Variants in SLMAP observed in about 807,000 individuals in gnomAD.
SLMAP encodes the protein sarcolemma associated protein, also known as sarcolemmal membrane-associated protein.
In SLMAP, 44 loss-of-function variants were observed where a neutral mutation model predicts 128.8. That is an observed-to-expected ratio of 0.34 (90% CI 0.27 to 0.44). The LOEUF is 0.44. Among genes scored for constraint, SLMAP ranks in the 20% least tolerant of loss-of-function variants. The pLI is 1.00. For synonymous variants in SLMAP, 327 were observed against 348.8 expected (o/e 0.94, Z 0.70); for missense variants, 787 against 985.3 (o/e 0.80, Z 2.69).
intron 14 of SLMAP, among the ~76,000 whole-genome samples, chr3:57,884,747 T>A (rs886278733): frequency 6.6e-6 from 1 of 151,954 alleles, no homozygotes; most frequent in Non-Finnish European, 1.5e-5. Flanking sequence ...AGGTGGAGAT[T>A]GCAGTGGGCA....
At chr3:57,775,918 C>T (rs2153452255) in intron 2 of SLMAP, among the ~76,000 whole-genome samples, 1 of 152,258 alleles carries the variant, frequency 6.6e-6, no homozygotes, top group Non-Finnish European at 1.5e-5. Context: ...AGGCTGGTCT[C>T]AAACTCCTAA....
Position 57,884,605 on chromosome 3 carries a change from C to T in SLMAP, c.1301-5436C>T, listed in dbSNP as rs567395039. The stretch of plus-strand genomic sequence containing the variant: ...GGCAGATTGCTTGAGCTCAGGAGTT[C>T]GAGACCAGCTTGGGCAACATGGCGA... On this transcript the variant is annotated intron_variant, in intron 14 of 24. Coordinates refer to ENST00000671191, the MANE Select transcript of SLMAP (RefSeq NM_001377540.1). Among the ~76,000 whole-genome samples the T allele has an allele frequency of 1.9e-4, 29 of 152,150 alleles. 1 individual carries two copies. In the East Asian group the frequency reaches 4.6e-3, roughly 24 times the overall value.
chr3:57,794,233 C>T (rs541140713), intron 2 of SLMAP, among the ~76,000 whole-genome samples: 7 of 152,162 alleles, frequency 4.6e-5, no homozygotes, highest in South Asian at 2.1e-4. Flanking sequence ...AAATTCTGTT[C>T]GTACGCTATA....
chr3:57,816,266 C>T (rs1336463425), intron 2 of SLMAP, among the ~76,000 whole-genome samples: 1 of 152,054 alleles, frequency 6.6e-6, no homozygotes, highest in African/African-American at 2.4e-5. Flanking sequence ...GCCTCAGCCC[C>T]CCAAGCAGCT....
intron 2 of SLMAP, among the ~76,000 whole-genome samples, chr3:57,792,590 T>G (rs543302016): frequency 3.2e-4 from 48 of 152,294 alleles, no homozygotes; most frequent in Non-Finnish European, 6.0e-4. Context: ...GGATTTTATA[T>G]TCTATATTGT....
chr3:57,864,767 C>G lies in SLMAP; in HGVS notation c.1136-40C>G, dbSNP rs559490627. On this transcript the variant is annotated intron_variant, in intron 11 of 24. Transcript: ENST00000671191. ...TTTATTTTATTTTTTTTCTTGTTAT[C>G]TGTGAAATATCTTTTTTTTTTTTGG... 4 of 1,554,370 alleles carry G rather than the reference C, an allele frequency of 2.6e-6. No individual in the cohort carries two copies. The African/African-American group carries it at 5.6e-5, about 22-fold the overall frequency.
chr3:57,807,608 G>A (rs1223192322), intron 2 of SLMAP, among the ~76,000 whole-genome samples: 1 of 152,188 alleles, frequency 6.6e-6, no homozygotes, highest in Non-Finnish European at 1.5e-5. Context: ...ATTTGCATAT[G>A]TTGAACCAGC....
intron 13 of SLMAP, among the ~76,000 whole-genome samples, chr3:57,869,372 A>G (rs560513407): frequency 2.0e-5 from 3 of 151,344 alleles, no homozygotes; most frequent in Middle Eastern, 3.4e-3. Context: ...TCCTTTGGCA[A>G]CAACCTCACA....
At chr3:57,895,628 C>T (rs1248466032) in intron 15 of SLMAP, among the ~76,000 whole-genome samples, 1 of 151,998 alleles carries the variant, frequency 6.6e-6, no homozygotes, top group African/African-American at 2.4e-5. Context: ...GCCACTGCGC[C>T]TGGCCCTAAA....
chr3:57,918,142 T>C (rs185059011), intron 22 of SLMAP: 3 of 152,374 alleles, frequency 2.0e-5, no homozygotes, highest in African/African-American at 2.4e-5. Context: ...ACTAAAGATA[T>C]GTGTTTTAGA....
At chr3:57,839,089 G>T (rs1328645318) in intron 3 of SLMAP, among the ~76,000 whole-genome samples, 2 of 151,880 alleles carry the variant, frequency 1.3e-5, no homozygotes, top group African/African-American at 4.8e-5. Context: ...GAGTAGCTGG[G>T]TACAGGTGTG....
intron 2 of SLMAP, among the ~76,000 whole-genome samples, chr3:57,803,706 A>G (rs902568437): frequency 5.3e-5 from 8 of 152,186 alleles, no homozygotes; most frequent in Admixed American, 3.3e-4. Flanking sequence ...CTCTGGAGGC[A>G]CAAATCCAAC....
rs1344941692 is a variant in SLMAP at position 57,824,251 on chromosome 3, GAAATGAACAT to G, written c.199-7130_199-7121del. 2.0e-5 allele frequency among the ~76,000 whole-genome samples: 3 copies of G among 152,136 alleles called. No individual in the cohort carries two copies. In the East Asian group the frequency reaches 5.8e-4, roughly 29 times the overall value. ...AGGAGCAGAGAGAAAAATTTGAAGA[GAAATGAACAT>G]ACCCTAAGGGACTTATGAGAAGACA... On this transcript the variant is annotated intron_variant, in intron 2 of 24. Coordinates refer to ENST00000671191, the MANE Select transcript of SLMAP (RefSeq NM_001377540.1).
chr3:57,761,029 GTT>G (rs755810231), intron 2 of SLMAP, among the ~76,000 whole-genome samples: 7 of 139,832 alleles, frequency 5.0e-5, no homozygotes, highest in Admixed American at 1.4e-4. Context: ...GCCCGGCCAG[GTT>G]TTTTTTTTTT....
chr3:57,863,313 A>G (rs1463486129), intron 10 of SLMAP, among the ~76,000 whole-genome samples: 1 of 152,180 alleles, frequency 6.6e-6, no homozygotes, highest in Non-Finnish European at 1.5e-5. Flanking sequence ...CTGTTTGTGA[A>G]GGTCCATCTT....
rs1037910123 is a variant in SLMAP, at chr3:57,917,315, C to T, written c.2310+238C>T. The T allele has an allele frequency of 1.2e-5, 12 of 999,640 alleles. No individual in the cohort carries two copies. The African/African-American group carries it at 2.0e-4, about 16-fold the overall frequency. The allele number at this position is 999,640 out of a possible 1,614,324, so 61.9% of individuals were successfully genotyped here. The stretch of plus-strand genomic sequence containing the variant: ...TATACAAAACTACATTTTAATTTTT[C>T]TCTACCAGTTACTTATATGAGAAAT... On this transcript the variant is annotated intron_variant, in intron 22 of 24. Transcript: ENST00000671191.
At chr3:57,816,978 G>GA (rs1230138904) in intron 2 of SLMAP, among the ~76,000 whole-genome samples, 1 of 152,174 alleles carries the variant, frequency 6.6e-6, no homozygotes, top group Non-Finnish European at 1.5e-5. Context: ...AGTACTTTGA[G>GA]AAAAAGAGGA....
chr3:57,838,922 T>G (rs1391185043), intron 3 of SLMAP, among the ~76,000 whole-genome samples: 1 of 152,132 alleles, frequency 6.6e-6, no homozygotes, highest in East Asian at 1.9e-4. Flanking sequence ...TGGGCAGAGT[T>G]TAGAAGACTG....
At position 57,890,204 on chromosome 3, in the gene SLMAP, T is replaced by C. The variant is rs76468732; in HGVS notation, c.1360+104T>C. ...ATTTTAACCATCAGTTTACTTCTTA[T>C]AGCTCACAAAATAGCAAGCCAGTAA... is the stretch of plus-strand genomic sequence containing the variant. On this transcript the variant is annotated intron_variant, in intron 15 of 24. Transcript: ENST00000671191. 6,580 of 1,052,342 alleles carry C rather than the reference T, an allele frequency of 6.3e-3. 287 individuals carry two copies. In the African/African-American group the frequency reaches 0.092, roughly 15 times the overall value. The allele number at this position is 1,052,342 out of a possible 1,614,324, so 65.2% of individuals were successfully genotyped here.
Sources: gnomAD v4.1 joint callset for allele counts (sites outside exome capture counted in the v4.1 genomes callset) on GRCh38, gnomAD v4.1.1 for gene constraint, MANE v1.5 for transcripts, NCBI Gene and HGNC (gene_info 2026-07-23, HGNC 2026-07-21) for gene names.